The following ACYP2 variants were observed in gnomAD, a reference collection of about 807,000 sequenced individuals.
The protein encoded by ACYP2 is acylphosphatase 2.
Under a neutral mutation model 11.2 loss-of-function variants are expected in ACYP2, and 12 were observed. The ratio of observed to expected loss-of-function variants is 1.08; its 90% confidence interval spans 0.69 to 1.74. ACYP2 has a LOEUF of 1.74. ACYP2 is among the 40% of genes most tolerant of loss of function. The pLI is 0.00. For missense variants in ACYP2, 134 were observed against 101.9 expected (o/e 1.31, Z -1.35); for synonymous variants, 43 against 32.2 (o/e 1.33, Z -1.13).
At chr2:54,023,235 C>T (rs1674098409) in intron 2 of ACYP2, among the ~76,000 whole-genome samples, 1 of 151,972 alleles carries the variant, frequency 6.6e-6, no homozygotes, top group East Asian at 1.9e-4. Context: ...GGGTTGTGAC[C>T]ATATATTTTA....
rs1572855259 is a variant in ACYP2, at chr2:54,147,649, C to T, written c.404+8901C>T. Among the ~76,000 whole-genome samples the T allele has an allele frequency of 3.9e-5, 6 of 152,052 alleles. No homozygotes were observed. The South Asian group carries it at 1.2e-3, about 32-fold the overall frequency. ...AAGTGATCCTCTTACCTCAGCCTCC[C>T]GAGTAGCTAGGACTGCAGGTGTGCA... On this transcript the variant is annotated intron_variant, in intron 6 of 6. Transcript: ENST00000607452.
intron 1 of ACYP2, among the ~76,000 whole-genome samples, chr2:53,972,646 G>T (rs987509263): frequency 4.6e-5 from 7 of 152,174 alleles, no homozygotes; most frequent in African/African-American, 1.7e-4. Context: ...TCTGGAAAAT[G>T]GGTTGGAACT....
chr2:53,994,754 C>G (rs1672487962), intron 2 of ACYP2, among the ~76,000 whole-genome samples: 2 of 152,134 alleles, frequency 1.3e-5, no homozygotes, highest in South Asian at 4.1e-4. Context: ...CCAAATTATT[C>G]TAGAACTGAA....
intron 4 of ACYP2, among the ~76,000 whole-genome samples, chr2:54,080,740 G>A (rs148792405): frequency 3.3e-5 from 5 of 151,732 alleles, no homozygotes; most frequent in East Asian, 3.9e-4. Flanking sequence ...CTCCCACCTC[G>A]GCCTCCCAAA....
At chr2:54,049,721 G>A (rs1188483497) in intron 2 of ACYP2, among the ~76,000 whole-genome samples, 1 of 152,100 alleles carries the variant, frequency 6.6e-6, no homozygotes, top group East Asian at 1.9e-4. Flanking sequence ...TTAAAAAAGA[G>A]TATCTCCTCA....
intron 6 of ACYP2, among the ~76,000 whole-genome samples, chr2:54,231,091 A>C (rs1686217128): frequency 6.6e-6 from 1 of 152,148 alleles, no homozygotes; most frequent in East Asian, 1.9e-4. Context: ...TCGGCCTCCC[A>C]AAGTGCTGGG....
intron 6 of ACYP2, among the ~76,000 whole-genome samples, chr2:54,176,553 G>A (rs546582892): frequency 6.6e-6 from 1 of 152,220 alleles, no homozygotes; most frequent in African/African-American, 2.4e-5. Flanking sequence ...TAGAACACTT[G>A]GAACAACAGA....
intron 2 of ACYP2, among the ~76,000 whole-genome samples, chr2:54,039,942 A>C (rs554430836): frequency 6.9e-6 from 1 of 145,926 alleles, no homozygotes; most frequent in Non-Finnish European, 1.5e-5. Context: ...TGCAGCCCCA[A>C]ACTCCTGGGC....
chr2:54,168,419 C>T (rs1483482738), intron 6 of ACYP2, among the ~76,000 whole-genome samples: 1 of 151,924 alleles, frequency 6.6e-6, no homozygotes. Context: ...GAAGCAGACT[C>T]CGTCTCAAAA....
At chr2:54,133,327 A>T (rs1038173061) in intron 4 of ACYP2, among the ~76,000 whole-genome samples, 37 of 152,268 alleles carry the variant, frequency 2.4e-4, no homozygotes, top group African/African-American at 8.9e-4. Flanking sequence ...TTATTGCTGC[A>T]GCTGCATGCT....
At chr2:54,054,268 G>A (rs1321039228) in intron 3 of ACYP2, among the ~76,000 whole-genome samples, 1 of 151,460 alleles carries the variant, frequency 6.6e-6, no homozygotes, top group Admixed American at 6.6e-5. Flanking sequence ...TTTCATTGAG[G>A]TGGCACTTAA....
intron 2 of ACYP2, among the ~76,000 whole-genome samples, chr2:54,045,306 T>C (rs568323833): frequency 6.6e-6 from 1 of 152,204 alleles, no homozygotes; most frequent in South Asian, 2.1e-4. Context: ...GATTTGAGGG[T>C]CTCCTCCCAT....
intron 4 of ACYP2, among the ~76,000 whole-genome samples, chr2:54,067,201 A>T (rs903868561): frequency 6.6e-6 from 1 of 152,226 alleles, no homozygotes; most frequent in Non-Finnish European, 1.5e-5. Context: ...GTCTAAGTAA[A>T]ATGTCTGTGT....
At chr2:54,251,308 A>G (rs767764618) in intron 6 of ACYP2, among the ~76,000 whole-genome samples, 17 of 152,224 alleles carry the variant, frequency 1.1e-4, no homozygotes, top group Non-Finnish European at 1.6e-4. Flanking sequence ...GATGTGCAGC[A>G]TACTTTTAAA....
intron 6 of ACYP2, among the ~76,000 whole-genome samples, chr2:54,236,490 T>C (rs1298936217): frequency 6.6e-6 from 1 of 152,202 alleles, no homozygotes; most frequent in Non-Finnish European, 1.5e-5. Flanking sequence ...TTTATAAGCA[T>C]TGTGAATTTT....
At chr2:54,178,026 T>TC (rs1448387991) in intron 6 of ACYP2, among the ~76,000 whole-genome samples, 1 of 150,826 alleles carries the variant, frequency 6.6e-6, no homozygotes, top group Non-Finnish European at 1.5e-5. Context: ...TGCCTTAGCC[T>TC]CCAGAGTAGC....
rs560912253 is a variant in ACYP2, at chr2:54,038,640, G to A, written c.63-12318G>A. The stretch of plus-strand genomic sequence containing the variant: ...AAAGGTGATTCTTTGCATACAGTAG[G>A]CATTCATTCATTCAATAAATCTTTA... On this transcript the variant is annotated intron_variant, in intron 2 of 6. Coordinates refer to ENST00000607452, the MANE Select transcript of ACYP2 (RefSeq NM_001320586.2). 7.3e-5 allele frequency among the ~76,000 whole-genome samples: 9 copies of A among 122,514 alleles called. No homozygotes were observed. The South Asian group carries it at 1.9e-3, about 26-fold the overall frequency. The allele number at this position is 122,514 out of a possible 152,430, so 80.4% of individuals were successfully genotyped here.
chr2:54,212,875 A>G (rs1054561259), intron 6 of ACYP2, among the ~76,000 whole-genome samples: 19 of 152,060 alleles, frequency 1.2e-4, no homozygotes, highest in Admixed American at 9.2e-4. Context: ...CCATCTAGAA[A>G]TACACTCATT....
chr2:54,115,905 G>GGGGTGGGGGGGGGGT (rs1447852707), intron 4 of ACYP2, 149 bp downstream of exon 1: 1 of 1,048,756 alleles, frequency 9.5e-7, no homozygotes, highest in African/African-American at 2.3e-5. Context: ...GGCGGGGAGG[G>GGGGTGGGGGGGGGGT]AGGCGAAACG....
Sources: allele counts gnomAD v4.1 joint callset (sites outside exome capture counted in the v4.1 genomes callset), GRCh38; gene constraint gnomAD v4.1.1; transcripts MANE v1.5; gene names NCBI Gene and HGNC (gene_info 2026-07-23, HGNC 2026-07-21).